Variants in SLC25A26 observed in about 807,000 individuals in gnomAD.
SLC25A26 encodes solute carrier family 25 member 26, also known as mitochondrial S-adenosylmethionine carrier protein.
In SLC25A26, 36 loss-of-function variants were observed where a neutral mutation model predicts 37.8. The ratio of observed to expected loss-of-function variants is 0.95; its 90% CI spans 0.73 to 1.26. The LOEUF (loss-of-function observed/expected upper bound fraction) is 1.26. SLC25A26 is among the 50% of genes most tolerant of loss of function. The pLI is 0.00. For missense variants in SLC25A26, 390 were observed against 331.1 expected (o/e 1.18, Z -1.38); for synonymous variants, 129 against 122.5 (o/e 1.05, Z -0.35).
chr3:66,138,939 C>T (rs543768955), intron 1 of SLC25A26, among the ~76,000 whole-genome samples: 2 of 152,202 alleles, frequency 1.3e-5, no homozygotes, highest in East Asian at 1.9e-4. Flanking sequence ...TTTTGAGATT[C>T]TTTTTTATAA....
At chr3:66,353,199 G>C (rs2076499642) in intron 6 of SLC25A26, among the ~76,000 whole-genome samples, 2 of 152,178 alleles carry the variant, frequency 1.3e-5, no homozygotes, top group Admixed American at 1.3e-4. Flanking sequence ...CTGCGTAGCA[G>C]ACAGGTGACT....
At chr3:66,220,732 G>C (rs531308424), upstream of SLC25A26, 1 of 358,492 alleles carries the variant, frequency 2.8e-6, no homozygotes, top group East Asian at 7.6e-5. Flanking sequence ...CGCCTCTTCT[G>C]GGTTTACAGT....
intron 1 of SLC25A26, among the ~76,000 whole-genome samples, chr3:66,197,482 G>A (rs1456092135): frequency 1.3e-5 from 2 of 152,132 alleles, no homozygotes; most frequent in Non-Finnish European, 2.9e-5. Context: ...GTGAGGGTCA[G>A]TATCAACATT....
intron 1 of SLC25A26, among the ~76,000 whole-genome samples, chr3:66,156,526 A>C (rs1345773032): frequency 6.6e-6 from 1 of 152,146 alleles, no homozygotes; most frequent in African/African-American, 2.4e-5. Flanking sequence ...AAGTACTAAA[A>C]ACAGTGCCAA....
intron 5 of SLC25A26, among the ~76,000 whole-genome samples, chr3:66,312,480 A>G (rs376257238): frequency 6.6e-6 from 1 of 150,522 alleles, no homozygotes; most frequent in South Asian, 2.1e-4. Context: ...CCCCCTTTCC[A>G]TGGGAGTAAA....
At chr3:66,238,089 T>G (rs2072383137) in intron 2 of SLC25A26, among the ~76,000 whole-genome samples, 1 of 152,210 alleles carries the variant, frequency 6.6e-6, no homozygotes, top group African/African-American at 2.4e-5. Flanking sequence ...GAGCATCCAC[T>G]CCATGCCAAG....
chr3:66,267,984 G>A (rs759308789), intron 5 of SLC25A26, among the ~76,000 whole-genome samples: 5 of 152,012 alleles, frequency 3.3e-5, no homozygotes, highest in African/African-American at 7.3e-5. Context: ...CCTTTCCCCC[G>A]AACACTCATG....
In SLC25A26 at chr3:66,272,483, A is replaced by G. The variant is rs115665559; in HGVS notation, c.453+9104A>G. ...TATTAAAAATAAATTAATTAGAGGA[A>G]ATAAGCAAGTGTAAGGAATCTGTGT... On this transcript the variant is annotated intron_variant, in intron 5 of 9. Transcript: ENST00000354883. 2.5e-3 allele frequency among the ~76,000 whole-genome samples: 388 copies of G among 152,294 alleles called. 2 individuals are homozygous for G. Among genetic ancestry groups the G allele is most frequent in the African/African-American group, 9.2e-3 (381 of 41,566 alleles).
chr3:66,311,357 T>A (rs1325222801), intron 5 of SLC25A26, among the ~76,000 whole-genome samples: 1 of 152,108 alleles, frequency 6.6e-6, no homozygotes, highest in African/African-American at 2.4e-5. Context: ...TTTATGTTCG[T>A]GTCTAAACTG....
rs1411800885 is a variant in SLC25A26, at chr3:66,374,112, C to T, written c.707+3510C>T. On this transcript the variant is annotated intron_variant, in intron 9 of 9. Coordinates refer to ENST00000354883, the MANE Select transcript of SLC25A26 (RefSeq NM_001379210.1). ...AGAAGTCTTTTCACTGGCATATGCA[C>T]TAGTTTTGCCTTCATTAACTCTTTC... is the stretch of plus-strand genomic sequence containing the variant. 2.0e-5 allele frequency among the ~76,000 whole-genome samples: 3 copies of T among 152,344 alleles called. No individual in the cohort carries two copies. The East Asian group carries it at 5.8e-4, about 29-fold the overall frequency.
At chr3:66,209,007 GGTAT>G (rs1289011179) in intron 1 of SLC25A26, among the ~76,000 whole-genome samples, 3 of 7,888 alleles carry the variant, frequency 3.8e-4, no homozygotes, top group Non-Finnish European at 2.3e-3. Context: ...CCCATATAAA[GGTAT>G]ATATATATAT....
At chr3:66,315,102 G>T (rs2075499419) in intron 5 of SLC25A26, among the ~76,000 whole-genome samples, 6 of 134,738 alleles carry the variant, frequency 4.5e-5, no homozygotes, top group East Asian at 2.1e-4. Context: ...TTTTTTGAAG[G>T]GTTTTTCATG....
rs560691189 is a variant in SLC25A26 at position 66,343,067 on chromosome 3, G to C, written c.454-3297G>C. ...AGAATAACAGCCTACATCTGTTTGG[G>C]GGTATAAAATTCCACGTTTTGAAGA... is the stretch of plus-strand genomic sequence containing the variant. On this transcript the variant is annotated intron_variant, in intron 5 of 9. Coordinates refer to ENST00000354883, the MANE Select transcript of SLC25A26 (RefSeq NM_001379210.1). 2.0e-5 allele frequency among the ~76,000 whole-genome samples: 3 copies of C among 152,210 alleles called. No individual in the cohort carries two copies. The East Asian group carries it at 5.8e-4, about 29-fold the overall frequency.
chr3:66,168,597 A>T (rs2070456565), intron 1 of SLC25A26, among the ~76,000 whole-genome samples: 1 of 152,096 alleles, frequency 6.6e-6, no homozygotes, highest in Non-Finnish European at 1.5e-5. Flanking sequence ...GAAACATGAG[A>T]CTTTGTCTTT....
At chr3:66,368,821 C>A (rs1056573572) in intron 7 of SLC25A26, among the ~76,000 whole-genome samples, 1 of 151,980 alleles carries the variant, frequency 6.6e-6, no homozygotes, top group African/African-American at 2.4e-5. Context: ...AGTTCAAGAC[C>A]AGGCTGGGCA....
At chr3:66,346,685 C>A (rs2076330226) in intron 6 of SLC25A26, among the ~76,000 whole-genome samples, 1 of 150,766 alleles carries the variant, frequency 6.6e-6, no homozygotes. Context: ...GCCATTCTTT[C>A]TCCACCGTTA....
At chr3:66,274,444 A>G (rs1286370286) in intron 5 of SLC25A26, among the ~76,000 whole-genome samples, 1 of 152,130 alleles carries the variant, frequency 6.6e-6, no homozygotes, top group East Asian at 1.9e-4. Flanking sequence ...AAAAGAAACT[A>G]CCATCAGAGT....
chr3:66,204,440 G>GAAA (rs1210041519), intron 1 of SLC25A26, among the ~76,000 whole-genome samples: 4 of 110,812 alleles, frequency 3.6e-5, no homozygotes, highest in African/African-American at 1.2e-4. Context: ...AAAAAAAAAA[G>GAAA]AAAAAAAGAA....
chr3:66,314,303 A>G (rs969878897), intron 5 of SLC25A26, among the ~76,000 whole-genome samples: 1 of 152,158 alleles, frequency 6.6e-6, no homozygotes, highest in African/African-American at 2.4e-5. Context: ...ATCAATACCT[A>G]GTTTATTGAG....
Sources: allele counts gnomAD v4.1 joint callset (sites outside exome capture counted in the v4.1 genomes callset), GRCh38; gene constraint gnomAD v4.1.1; transcripts MANE v1.5; gene names NCBI Gene and HGNC (gene_info 2026-07-23, HGNC 2026-07-21).